ERCC2: variants seen among roughly 807,000 people sequenced by gnomAD.
ERCC2 encodes the protein ERCC excision repair 2, TFIIH core complex helicase subunit.
A neutral mutation model predicts 99.4 loss-of-function variants in ERCC2; 90 were observed. The ratio of observed to expected loss-of-function variants is 0.91; its 90% CI spans 0.76 to 1.08. ERCC2 has a LOEUF of 1.08. Among genes scored for constraint, ERCC2 ranks in the 50% least tolerant of loss-of-function variants. The pLI, the probability that ERCC2 is intolerant of heterozygous loss-of-function variation, is 0.00. For missense variants in ERCC2, 993 were observed against 1,038.1 expected, an observed-to-expected ratio of 0.96 and a Z score of 0.60; for synonymous variants, 497 against 432.4, an observed-to-expected ratio of 1.15 and a Z score of -1.85.
intron 5 of ERCC2, 54 bp downstream of exon 5, chr19:45,368,576 A>G: frequency 1.3e-5 from 16 of 1,232,140 alleles, no homozygotes; most frequent in Non-Finnish European, 1.8e-5. Flanking sequence ...TGGTTGGACG[A>G]AAGAGTTTTC....
intron 22 of ERCC2, 68 bp downstream of exon 22, chr19:45,352,141 A>C: frequency 6.4e-7 from 1 of 1,568,492 alleles, no homozygotes; most frequent in East Asian, 2.3e-5. Flanking sequence ...AGTGGGGAGA[A>C]TCCAAGGGGA....
Position 45,350,036 on chromosome 19 carries a change from C to T in ERCC2, c.*1593G>A, listed in dbSNP as rs1971644966. 1 of 459,064 alleles carries T rather than the reference C, an allele frequency of 2.2e-6. No individual in the cohort carries two copies. Among genetic ancestry groups the T allele is most frequent in the Non-Finnish European group, 3.9e-6 (1 of 255,216 alleles). 28.4% of individuals were successfully genotyped at this position (459,064 alleles called of 1,614,324 possible). On this transcript the variant is annotated 3_prime_UTR_variant, in exon 23 of 23. Transcript: ENST00000391945. ...CAGAAACAGGAGGCTGCCTGTCCTC[C>T]ATCCCCAGGGCAGGAAGTAAGGCCG...
intron 11 of ERCC2, among the ~76,000 whole-genome samples, chr19:45,362,687 C>A (rs1289793844): frequency 6.6e-6 from 1 of 152,270 alleles, no homozygotes; most frequent in Non-Finnish European, 1.5e-5. Flanking sequence ...GTGTCCCCAG[C>A]ATGAAGCAGG....
chr19:45,363,623 C>G, intron 11 of ERCC2, 120 bp downstream of exon 11: 1 of 1,190,426 alleles, frequency 8.4e-7, no homozygotes, highest in Non-Finnish European at 1.2e-6. Context: ...CCACGTGCCT[C>G]GCCCAGCTCA....
intron 12 of ERCC2, chr19:45,359,001 C>T (rs1382660873): frequency 2.0e-5 from 13 of 658,488 alleles, no homozygotes; most frequent in Non-Finnish European, 3.1e-5. Context: ...GCTGGGGACA[C>T]AGTGGTGACC....
chr19:45,365,998 G>A (rs1010576097), intron 5 of ERCC2, among the ~76,000 whole-genome samples: 3 of 151,830 alleles, frequency 2.0e-5, no homozygotes, highest in Non-Finnish European at 4.4e-5. Context: ...CACCATGCCC[G>A]GCTAATTTTT....
rs1235671648 is a variant in ERCC2, at chr19:45,351,283, C to T, written c.*346G>A. On this transcript the variant is annotated 3_prime_UTR_variant, in exon 23 of 23. Coordinates refer to ENST00000391945, the MANE Select transcript of ERCC2 (RefSeq NM_000400.4). ...TCCAACCATCCCCTGTGCCTGTCTC[C>T]AGTTTCCCAGCTGGCACCTGGACAA... The T allele has an allele frequency of 5.0e-6, 8 of 1,612,352 alleles. No homozygotes were observed. The highest frequency in any genetic ancestry group is 1.3e-5 in the African/African-American group (1 of 74,888).
intron 17 of ERCC2, among the ~76,000 whole-genome samples, chr19:45,353,934 G>A (rs927356152): frequency 6.6e-6 from 1 of 152,228 alleles, no homozygotes; most frequent in Admixed American, 6.5e-5. Flanking sequence ...CTATGACCTT[G>A]GGGTAGGCAA....
At position 45,364,089 on chromosome 19, in the gene ERCC2, C is replaced by T. The variant is rs527681176; in HGVS notation, c.846G>A (p.Arg282=). The change falls in exon 10 of 23, where the codon CGG becomes CGA. Residue 282 remains arginine (R), a synonymous_variant. Coordinates refer to ENST00000391945, the MANE Select transcript of ERCC2 (RefSeq NM_000400.4). ...RIKETDEQRL[R]DEYRRLVEGL... ...CCTCCACCAGACGCCGGTACTCGTC[C>T]CGCAGGCGCTGCTCGTCTGTCTCTT... 4.8e-5 allele frequency: 77 copies of T among 1,603,776 alleles called. No individual in the cohort carries two copies. In the East Asian group the frequency reaches 7.2e-4, roughly 15 times the overall value.
At position 45,354,725 on chromosome 19, in the gene ERCC2, C is replaced by T. The variant is rs200360638; in HGVS notation, c.1665+5G>A. The T allele has an allele frequency of 5.6e-5, 90 of 1,613,720 alleles. No individual in the cohort carries two copies. In the African/African-American group the frequency reaches 9.6e-4, roughly 17 times the overall value. ...CAGGTGCAGGGAGGGGGTGGCCAGG[C>T]GTACCTGCTCATACCAGGAGGCCAC... is the stretch of plus-strand genomic sequence containing the variant. On this transcript the variant is annotated splice_donor_5th_base_variant and intron_variant, in intron 17 of 22. Coordinates refer to ENST00000391945, the MANE Select transcript of ERCC2 (RefSeq NM_000400.4).
rs1277236046 is a variant in ERCC2 at position 45,353,122 on chromosome 19, A to C, written c.1792T>G (p.Ser598Ala). The C allele has an allele frequency of 4.3e-6, 7 of 1,613,446 alleles. No homozygotes were observed. Among genetic ancestry groups the C allele is most frequent in the Non-Finnish European group, 5.9e-6 (7 of 1,179,870 alleles). Residue 598 changes from serine (S) to alanine (A), a missense_variant, in exon 19 of 23, where the codon TCA (serine) becomes GCA (alanine). This residue lies in a region of ERCC2 where 909 missense variants were observed against 930.8 expected (regional missense o/e 0.98). Transcript: ENST00000391945. Reference sequence around the variant, plus strand: ...TCGGACACTTTGCCCCGGGCCACTGACAGCAGGATGGCCCCGCGGCCATTC... The same window carrying C: ...TCGGACACTTTGCCCCGGGCCACTGCCAGCAGGATGGCCCCGCGGCCATTC... ...CENGRGAILL[S>A]VARGKVSEGI...
chr19:45,352,434 G>T (rs894202900), intron 21 of ERCC2, 72 bp downstream of exon 21: 3 of 1,613,696 alleles, frequency 1.9e-6, no homozygotes, highest in Admixed American at 3.3e-5. Flanking sequence ...CACCCCACCT[G>T]GGAAATGAAC....
rs996365259 is a variant in ERCC2 at position 45,350,798 on chromosome 19, GCCCACCCCACC to G, written c.*820_*830del. ...AGCCCTGACATCAGCAGAATCCACA[GCCCACCCCACC>G]CCCACCCCCATCTTGCTCAAGAACC... is the stretch of plus-strand genomic sequence containing the variant. On this transcript the variant is annotated 3_prime_UTR_variant, in exon 23 of 23. Transcript: ENST00000391945. 4.2e-6 allele frequency: 6 copies of G among 1,434,792 alleles called. No individual in the cohort carries two copies. The highest frequency in any genetic ancestry group is 1.9e-5 in the Admixed American group (1 of 51,838). 88.9% of individuals were successfully genotyped at this position (1,434,792 alleles called of 1,614,324 possible). A position where few individuals can be genotyped will look rare whatever the true frequency, so the allele number is the denominator to read the frequency against.
At position 45,350,550 on chromosome 19, in the gene ERCC2, AG is replaced by A. The variant is rs1971688957; in HGVS notation, c.*1078del. 1 of 1,613,796 alleles carries A rather than the reference AG, an allele frequency of 6.2e-7. No individual in the cohort carries two copies. The highest frequency in any genetic ancestry group is 1.7e-5 in the Admixed American group (1 of 59,984). On this transcript the variant is annotated 3_prime_UTR_variant, in exon 23 of 23. Coordinates refer to ENST00000391945, the MANE Select transcript of ERCC2 (RefSeq NM_000400.4). ...ACAGGCACAGCTGGTGACGCAGAAC[AG>A]GTGAGGATGGGCTGTGCTTCGGCTC...
Position 45,364,350 on chromosome 19 carries a change from G to A in ERCC2, c.719-19C>T. 6.2e-7 allele frequency: 1 copy of A among 1,613,910 alleles called. No homozygotes were observed. The highest frequency in any genetic ancestry group is 1.3e-5 in the African/African-American group (1 of 75,054). Reference sequence around the variant, plus strand: ...ACGTTGTCTGGAGAAGGGGGAGAGAGCCGGCTCAGGCAGGCCTGCAGGGGC... The same window carrying A: ...ACGTTGTCTGGAGAAGGGGGAGAGAACCGGCTCAGGCAGGCCTGCAGGGGC... On this transcript the variant is annotated intron_variant, in intron 8 of 22. Transcript: ENST00000391945.
intron 21 of ERCC2, 35 bp downstream of exon 21, chr19:45,352,471 G>C (rs1971841604): frequency 6.2e-7 from 1 of 1,613,982 alleles, no homozygotes; most frequent in Non-Finnish European, 8.5e-7. Flanking sequence ...CTTGGAGCCT[G>C]GGATGGGAGC....
At chr19:45,365,308 T>C (rs754351556) in intron 5 of ERCC2, 150 bp from the exon 6 acceptor site, 2 of 679,746 alleles carry the variant, frequency 2.9e-6, no homozygotes, top group South Asian at 1.7e-5. Context: ...GGGAACTTAA[T>C]GCAGGGATAC....
At chr19:45,359,420 C>T (rs937963129) in intron 12 of ERCC2, among the ~76,000 whole-genome samples, 51 of 152,272 alleles carry the variant, frequency 3.3e-4, no homozygotes, top group African/African-American at 1.0e-3. Context: ...CAGGCCCTGC[C>T]GCAGGACATG....
intron 12 of ERCC2, among the ~76,000 whole-genome samples, chr19:45,360,774 A>G (rs62112764): frequency 0.63 from 96,219 of 151,882 alleles, 32,078 homozygotes; most frequent in African/African-American, 0.86. Flanking sequence ...CTGCCTAACC[A>G]TTCCAAAGTG....
Sources: allele counts gnomAD v4.1 joint callset (sites outside exome capture counted in the v4.1 genomes callset), GRCh38; gene constraint gnomAD v4.1.1; regional missense constraint gnomAD v4.1.1; transcripts MANE v1.5; gene names NCBI Gene and HGNC (gene_info 2026-07-23, HGNC 2026-07-21).